The following CTNND2 variants were observed in gnomAD, a reference collection of about 807,000 sequenced individuals.
The protein encoded by CTNND2 is catenin delta 2, also known as catenin delta-2.
CTNND2 carries 22 observed loss-of-function variants against 144.4 expected under a neutral mutation model. The ratio of observed to expected loss-of-function variants is 0.15; its 90% confidence interval spans 0.11 to 0.22. CTNND2 has a LOEUF of 0.22. Among genes scored for constraint, CTNND2 ranks in the 10% least tolerant of loss-of-function variants. The pLI is 1.00. For synonymous variants in CTNND2, 751 were observed against 695.6 expected, an observed-to-expected ratio of 1.08 and a Z score of -1.25; for missense variants, 1,353 against 1,618.8, an observed-to-expected ratio of 0.84 and a Z score of 2.82.
intron 3 of CTNND2, among the ~76,000 whole-genome samples, chr5:11,546,447 T>A (rs1448972555): frequency 6.6e-6 from 1 of 152,056 alleles, no homozygotes; most frequent in Admixed American, 6.5e-5. Flanking sequence ...GAAGACACAA[T>A]ACAGTAATTT....
chr5:11,833,406 A>G (rs965309506), intron 1 of CTNND2, among the ~76,000 whole-genome samples: 2 of 152,216 alleles, frequency 1.3e-5, no homozygotes, highest in African/African-American at 4.8e-5. Context: ...TATTTATATG[A>G]CATTCGGAAA....
chr5:11,172,306 G>A (rs536211789), intron 11 of CTNND2, among the ~76,000 whole-genome samples: 31 of 151,858 alleles, frequency 2.0e-4, no homozygotes, highest in Admixed American at 5.2e-4. Context: ...TGAGAAACAG[G>A]AAAAAAAACT....
At position 11,429,762 on chromosome 5, in the gene CTNND2, G is replaced by A. The variant is rs563108724; in HGVS notation, c.288-17693C>T. On this transcript the variant is annotated intron_variant, in intron 3 of 21. Transcript: ENST00000304623. ...GATTTTCCAAAAGCATCAGAAAAAC[G>A]AAGTGATGAAAGAGTGTCTAGCAAG... Among the ~76,000 whole-genome samples the A allele has an allele frequency of 4.2e-3, 637 of 152,236 alleles. 4 individuals are homozygous for A. Among genetic ancestry groups the A allele is most frequent in the Middle Eastern group, 0.017 (5 of 294 alleles).
intron 3 of CTNND2, among the ~76,000 whole-genome samples, chr5:11,553,185 T>C (rs1373547376): frequency 6.6e-6 from 1 of 152,218 alleles, no homozygotes; most frequent in African/African-American, 2.4e-5. Context: ...TCACACAATA[T>C]TGAAAATCTC....
At chr5:11,163,488 T>C (rs1758998182) in intron 11 of CTNND2, among the ~76,000 whole-genome samples, 1 of 152,208 alleles carries the variant, frequency 6.6e-6, no homozygotes, top group Non-Finnish European at 1.5e-5. Context: ...ATGTTGGTTG[T>C]TTTAAGCTGC....
intron 11 of CTNND2, among the ~76,000 whole-genome samples, chr5:11,184,841 A>G (rs554234312): frequency 1.1e-3 from 170 of 152,314 alleles, no homozygotes; most frequent in African/African-American, 3.9e-3. Flanking sequence ...AACTTCTAGA[A>G]GAATTGTAGA....
chr5:11,156,293 C>T (rs764828480), intron 12 of CTNND2, among the ~76,000 whole-genome samples: 1 of 152,072 alleles, frequency 6.6e-6, no homozygotes, highest in African/African-American at 2.4e-5. Context: ...GAAAAGGTGA[C>T]CTCTTTAAAA....
chr5:11,497,526 G>T (rs1210535336), intron 3 of CTNND2, among the ~76,000 whole-genome samples: 1 of 79,314 alleles, frequency 1.3e-5, no homozygotes, highest in Non-Finnish European at 2.5e-5. Context: ...GGGTGGGGGG[G>T]GGCAATATGT....
chr5:11,458,883 C>T (rs1472000108), intron 3 of CTNND2, among the ~76,000 whole-genome samples: 1 of 152,004 alleles, frequency 6.6e-6, no homozygotes, highest in Non-Finnish European at 1.5e-5. Flanking sequence ...CTGCCTCAAC[C>T]TCTGGAATAG....
At chr5:10,998,601 A>G (rs1739593612) in intron 18 of CTNND2, among the ~76,000 whole-genome samples, 1 of 152,124 alleles carries the variant, frequency 6.6e-6, no homozygotes, top group South Asian at 2.1e-4. Context: ...CCCAGAAAGG[A>G]CTTTAAAACT....
chr5:11,119,626 T>C (rs1248230539), intron 12 of CTNND2, among the ~76,000 whole-genome samples: 1 of 152,234 alleles, frequency 6.6e-6, no homozygotes, highest in Non-Finnish European at 1.5e-5. Context: ...CTTCTTGAAA[T>C]GATTTTCACC....
chr5:11,887,470 G>A (rs767136400), intron 1 of CTNND2, among the ~76,000 whole-genome samples: 63 of 150,304 alleles, frequency 4.2e-4, no homozygotes, highest in Admixed American at 1.4e-3. Flanking sequence ...CAAAAACATC[G>A]TTCCCTTTAC....
At chr5:11,053,875 G>A (rs1031490802) in intron 16 of CTNND2, among the ~76,000 whole-genome samples, 1 of 152,256 alleles carries the variant, frequency 6.6e-6, no homozygotes, top group Admixed American at 6.5e-5. Context: ...ATTTACCAGT[G>A]GGCTTCTTGG....
intron 11 of CTNND2, among the ~76,000 whole-genome samples, chr5:11,193,468 A>T (rs1001960611): frequency 6.6e-5 from 10 of 152,140 alleles, no homozygotes; most frequent in African/African-American, 2.4e-4. Context: ...TTCTCATAGA[A>T]CCTCTAATTT....
intron 18 of CTNND2, among the ~76,000 whole-genome samples, chr5:10,992,879 C>T (rs973342403): frequency 1.3e-5 from 2 of 152,140 alleles, no homozygotes; most frequent in African/African-American, 2.4e-5. Flanking sequence ...GAGAGCCTGG[C>T]GGGTAGGGCC....
At chr5:11,256,536 T>C (rs1042491271) in intron 9 of CTNND2, among the ~76,000 whole-genome samples, 3 of 152,190 alleles carry the variant, frequency 2.0e-5, no homozygotes, top group African/African-American at 7.2e-5. Flanking sequence ...ATAGTAGATA[T>C]TCAATGAACA....
At chr5:11,633,130 C>T (rs561998373) in intron 2 of CTNND2, among the ~76,000 whole-genome samples, 25 of 152,214 alleles carry the variant, frequency 1.6e-4, no homozygotes, top group African/African-American at 6.0e-4. Flanking sequence ...AAACATTAAC[C>T]TTCACATCCA....
chr5:11,843,417 C>T (rs372214083), intron 1 of CTNND2, among the ~76,000 whole-genome samples: 5 of 152,192 alleles, frequency 3.3e-5, no homozygotes, highest in African/African-American at 1.2e-4. Flanking sequence ...TAAACTTCCT[C>T]ATGGATACAT....
chr5:11,577,848 A>G (rs1262030043), intron 2 of CTNND2, among the ~76,000 whole-genome samples: 3 of 152,238 alleles, frequency 2.0e-5, no homozygotes, highest in Non-Finnish European at 2.9e-5. Context: ...AAAATAGTTA[A>G]TAAAATTTAA....
Sources: allele counts gnomAD v4.1 joint callset (sites outside exome capture counted in the v4.1 genomes callset), GRCh38; gene constraint gnomAD v4.1.1; transcripts MANE v1.5; gene names NCBI Gene and HGNC (gene_info 2026-07-23, HGNC 2026-07-21).